BNC2: variants seen among roughly 807,000 people sequenced by gnomAD.
BNC2 encodes the protein basonuclin zinc finger protein 2.
BNC2 carries 20 observed loss-of-function variants against 76.3 expected under a neutral mutation model. The ratio of observed to expected loss-of-function variants is 0.26; its 90% CI spans 0.18 to 0.38. BNC2 has a LOEUF of 0.38. Among genes scored for constraint, BNC2 ranks in the 10% least tolerant of loss-of-function variants. BNC2 has a pLI of 1.00. For synonymous variants in BNC2, 582 were observed against 514.8 expected (o/e 1.13, Z -1.77); for missense variants, 1,382 against 1,399.8 (o/e 0.99, Z 0.20).
chr9:16,553,971 T>C (rs966018867), intron 4 of BNC2, among the ~76,000 whole-genome samples: 1 of 152,168 alleles, frequency 6.6e-6, no homozygotes, highest in Non-Finnish European at 1.5e-5. Context: ...ATATGCCCAT[T>C]TAGGAATTAA....
intron 3 of BNC2, among the ~76,000 whole-genome samples, chr9:16,660,354 T>C (rs1342036238): frequency 6.6e-6 from 1 of 151,466 alleles, no homozygotes; most frequent in Non-Finnish European, 1.5e-5. Context: ...CTAGGGAGGC[T>C]GAGGAAGGAG....
intron 3 of BNC2, among the ~76,000 whole-genome samples, chr9:16,616,909 T>G (rs1265025020): frequency 6.6e-6 from 1 of 152,084 alleles, no homozygotes; most frequent in Admixed American, 6.6e-5. Flanking sequence ...TTCCTCTTGT[T>G]TTGAACCATT....
intron 3 of BNC2, among the ~76,000 whole-genome samples, chr9:16,682,998 G>C (rs1822869556): frequency 6.6e-6 from 1 of 152,172 alleles, no homozygotes; most frequent in Admixed American, 6.5e-5. Flanking sequence ...TCCCAAACTG[G>C]AGTACCCACT....
chr9:16,808,027 T>G (rs549426138), intron 1 of BNC2, among the ~76,000 whole-genome samples: 6 of 152,120 alleles, frequency 3.9e-5, no homozygotes, highest in Non-Finnish European at 5.9e-5. Context: ...TAATAATACA[T>G]GGCACAGAAC....
Position 16,415,933 on chromosome 9 carries a change from C to T in BNC2, c.*3056G>A, listed in dbSNP as rs987386696. On this transcript the variant is annotated 3_prime_UTR_variant, in exon 7 of 7. Coordinates refer to ENST00000380672, the MANE Select transcript of BNC2 (RefSeq NM_017637.6). ...CTGTCCAGGACTTATTGCCACTTCTCTGACAAAACACAGGTGAACACATTC... is the reference window on the plus strand; with the variant it reads ...CTGTCCAGGACTTATTGCCACTTCTTTGACAAAACACAGGTGAACACATTC... 1 of 152,146 alleles carries T rather than the reference C, an allele frequency of 6.6e-6. No homozygotes were observed. The highest frequency in any genetic ancestry group is 1.5e-5 in the Non-Finnish European group (1 of 68,038). The allele number at this position is 152,146 out of a possible 1,614,324, so 9.4% of individuals were successfully genotyped here. A position where few individuals can be genotyped will look rare whatever the true frequency, so the allele number is the denominator to read the frequency against.
At chr9:16,718,623 A>C (rs572269890) in intron 3 of BNC2, among the ~76,000 whole-genome samples, 5 of 152,190 alleles carry the variant, frequency 3.3e-5, no homozygotes, top group Non-Finnish European at 7.3e-5. Flanking sequence ...CAGTTCACAA[A>C]ATAAGAAACC....
chr9:16,718,419 G>A (rs1173368642), intron 3 of BNC2, among the ~76,000 whole-genome samples: 1 of 152,176 alleles, frequency 6.6e-6, no homozygotes, highest in Non-Finnish European at 1.5e-5. Context: ...GATAGGACTG[G>A]TAACATATTT....
At chr9:16,430,019 C>T (rs1173014445) in intron 6 of BNC2, 1 of 504,650 alleles carries the variant, frequency 2.0e-6, no homozygotes, top group Non-Finnish European at 4.0e-6. Flanking sequence ...ACCCCAGGGA[C>T]AGGAATGACA....
At chr9:16,860,668 G>C (rs1184362402) in intron 1 of BNC2, among the ~76,000 whole-genome samples, 1 of 152,160 alleles carries the variant, frequency 6.6e-6, no homozygotes, top group Non-Finnish European at 1.5e-5. Context: ...ACCAAGGACA[G>C]AAACATCAAC....
chr9:16,418,961 G>A lies in BNC2; in HGVS notation c.*28C>T. ...CAAACACGTAGGCCATCTGGTGAGAGCTGGCATTTGTAGTGTCCATTCTGA... is the reference window on the plus strand; with the variant it reads ...CAAACACGTAGGCCATCTGGTGAGAACTGGCATTTGTAGTGTCCATTCTGA... On this transcript the variant is annotated 3_prime_UTR_variant, in exon 7 of 7. Coordinates refer to ENST00000380672, the MANE Select transcript of BNC2 (RefSeq NM_017637.6). 3 of 1,613,122 alleles carry A rather than the reference G, an allele frequency of 1.9e-6. No individual in the cohort carries two copies. Among genetic ancestry groups the A allele is most frequent in the Middle Eastern group, 1.6e-4 (1 of 6,062 alleles).
intron 3 of BNC2, among the ~76,000 whole-genome samples, chr9:16,653,839 T>C (rs1821856010): frequency 6.6e-6 from 1 of 152,096 alleles, no homozygotes; most frequent in Non-Finnish European, 1.5e-5. Context: ...GTCTGACATG[T>C]TTCTAGGTGA....
intron 3 of BNC2, among the ~76,000 whole-genome samples, chr9:16,584,653 G>C (rs1388806187): frequency 6.6e-6 from 1 of 152,094 alleles, no homozygotes; most frequent in Admixed American, 6.5e-5. Flanking sequence ...GTTGTATATA[G>C]AAGTGATTAA....
chr9:16,595,920 G>A (rs1227462860), intron 3 of BNC2, among the ~76,000 whole-genome samples: 2 of 152,164 alleles, frequency 1.3e-5, no homozygotes, highest in Non-Finnish European at 2.9e-5. Context: ...CTAGAACAAC[G>A]TTAATGTCAT....
chr9:16,851,179 G>A (rs970766843), intron 1 of BNC2, among the ~76,000 whole-genome samples: 7 of 152,170 alleles, frequency 4.6e-5, no homozygotes, highest in African/African-American at 1.7e-4. Context: ...TTCTTCAAAT[G>A]TTATAAAATC....
intron 5 of BNC2, among the ~76,000 whole-genome samples, chr9:16,498,190 CAT>C (rs1340512693): frequency 7.5e-6 from 1 of 133,866 alleles, no homozygotes; most frequent in African/African-American, 3.2e-5. Flanking sequence ...TATATTCCAT[CAT>C]ATATATATTC....
At chr9:16,429,965 G>A (rs764936399) in intron 6 of BNC2, 11 of 515,972 alleles carry the variant, frequency 2.1e-5, no homozygotes, top group South Asian at 1.4e-4. Context: ...CATGATACAA[G>A]GAGACCGTTT....
At chr9:16,441,915 C>T (rs1017884859) in intron 5 of BNC2, among the ~76,000 whole-genome samples, 3 of 152,190 alleles carry the variant, frequency 2.0e-5, no homozygotes, top group Non-Finnish European at 4.4e-5. Flanking sequence ...AACAAAAATT[C>T]AGTCTGTTAG....
At chr9:16,817,670 C>T (rs1236964827) in intron 1 of BNC2, among the ~76,000 whole-genome samples, 1 of 152,132 alleles carries the variant, frequency 6.6e-6, no homozygotes, top group Non-Finnish European at 1.5e-5. Context: ...TATGGTTTAA[C>T]GTGCCTTAAA....
chr9:16,835,069 T>C (rs555186188), intron 1 of BNC2, among the ~76,000 whole-genome samples: 3 of 152,314 alleles, frequency 2.0e-5, no homozygotes, highest in African/African-American at 7.2e-5. Flanking sequence ...TCACAAATTG[T>C]TCAAAAGAAG....
Sources: gnomAD v4.1 joint callset for allele counts (sites outside exome capture counted in the v4.1 genomes callset) on GRCh38, gnomAD v4.1.1 for gene constraint, MANE v1.5 for transcripts, NCBI Gene and HGNC (gene_info 2026-07-23, HGNC 2026-07-21) for gene names.